C12orf54: variants seen among roughly 807,000 people sequenced by gnomAD.
C12orf54 encodes the protein chromosome 12 open reading frame 54.
Under a neutral mutation model 26.4 loss-of-function variants are expected in C12orf54, and 24 were observed. The observed-to-expected ratio is 0.91, with a 90% CI of 0.66 to 1.28. The LOEUF is 1.28. C12orf54 is among the 50% of genes most tolerant of loss of function. C12orf54 has a pLI of 0.00. For missense variants in C12orf54, 154 were observed against 150.9 expected (o/e 1.02, Z -0.11); for synonymous variants, 54 against 47.0 (o/e 1.15, Z -0.61).
the C12orf54 span, chr12:48,473,524 C>A: frequency 2.7e-6 from 1 of 366,992 alleles, no homozygotes; most frequent in Admixed American, 3.7e-5. Context: ...CTGATTGTAA[C>A]GTTGCTGTGG....
the C12orf54 span, among the ~76,000 whole-genome samples, chr12:48,470,522 C>A: frequency 2.0e-5 from 3 of 152,044 alleles, no homozygotes; most frequent in Admixed American, 6.6e-5. Context: ...CATGGGGTAG[C>A]TTTTTGCTTG....
chr12:48,428,491 C>T, the C12orf54 span, among the ~76,000 whole-genome samples: 2 of 152,020 alleles, frequency 1.3e-5, no homozygotes, highest in Non-Finnish European at 2.9e-5. Context: ...GAAGATATTA[C>T]AACTGACACC....
chr12:48,450,504 CAG>C, the C12orf54 span, among the ~76,000 whole-genome samples: 6 of 152,058 alleles, frequency 3.9e-5, no homozygotes, highest in African/African-American at 1.4e-4. Flanking sequence ...CTGAAGGAGA[CAG>C]AGACATGAGA....
At chr12:48,463,289 T>G in the C12orf54 span, among the ~76,000 whole-genome samples, 3 of 152,014 alleles carry the variant, frequency 2.0e-5, no homozygotes, top group Non-Finnish European at 4.4e-5. Context: ...GAGATTATTA[T>G]GAACACCTTT....
intron 6 of C12orf54, among the ~76,000 whole-genome samples, chr12:48,491,549 C>T (rs945821224): frequency 1.3e-5 from 2 of 152,052 alleles, no homozygotes; most frequent in South Asian, 2.1e-4. Context: ...TCTCATGCCT[C>T]GGCTAGATAT....
At chr12:48,424,088 G>T in the C12orf54 span, among the ~76,000 whole-genome samples, 6 of 151,956 alleles carry the variant, frequency 3.9e-5, no homozygotes, top group Admixed American at 6.6e-5. Flanking sequence ...GACTTTTTCT[G>T]CATCTGTTTA....
At chr12:48,478,693 G>C (rs983130135), upstream of C12orf54, among the ~76,000 whole-genome samples, 1 of 152,104 alleles carries the variant, frequency 6.6e-6, no homozygotes, top group African/African-American at 2.4e-5. Flanking sequence ...ACTTACAAGG[G>C]ACGTGAAGGA....
At chr12:48,490,939 A>C in intron 6 of C12orf54, 103 bp downstream of exon 6, 1 of 1,400,750 alleles carries the variant, frequency 7.1e-7, no homozygotes, top group Non-Finnish European at 1.0e-6. Context: ...AATGGAGATA[A>C]GAAGTGAGAT....
chr12:48,483,626 A>G, intron 2 of C12orf54: 1 of 358,566 alleles, frequency 2.8e-6, no homozygotes, highest in East Asian at 5.4e-5. Flanking sequence ...AGGGACATTA[A>G]TTTATTCCAG....
At chr12:48,495,868 C>T (rs1937902638) in intron 8 of C12orf54, among the ~76,000 whole-genome samples, 1 of 152,190 alleles carries the variant, frequency 6.6e-6, no homozygotes, top group South Asian at 2.1e-4. Context: ...GTAATACATA[C>T]ACTCACAAAA....
the C12orf54 span, among the ~76,000 whole-genome samples, chr12:48,476,863 G>A: frequency 6.6e-6 from 1 of 151,976 alleles, no homozygotes; most frequent in Non-Finnish European, 1.5e-5. Flanking sequence ...CAAGGATATC[G>A]AGGAATTGAA....
In C12orf54 at chr12:48,490,828, G is replaced by T. The variant is rs146567743; in HGVS notation, c.185G>T (p.Arg62Leu). The change falls in exon 6 of 9, where the codon CGG becomes CTG. Residue 62 changes from arginine (R) to leucine (L), a missense_variant. Transcript: ENST00000548364. ...ATTTTTCAGCTGCAGGAAGATGCTC[G>T]GATTCGAGGTAAAACAGCACCATTC... is the stretch of plus-strand genomic sequence containing the variant. ...DIQKELQEDA[R>L]IRGMSNCSMT... 1 of 1,613,408 alleles carries T rather than the reference G, an allele frequency of 6.2e-7. No individual in the cohort carries two copies. Among genetic ancestry groups the T allele is most frequent in the African/African-American group, 1.3e-5 (1 of 74,888 alleles).
chr12:48,417,635 G>A, the C12orf54 span, among the ~76,000 whole-genome samples: 1 of 152,078 alleles, frequency 6.6e-6, no homozygotes, highest in Non-Finnish European at 1.5e-5. Flanking sequence ...TCTTACAAGG[G>A]TATATTGTGT....
At chr12:48,464,025 G>C in the C12orf54 span, among the ~76,000 whole-genome samples, 1 of 151,858 alleles carries the variant, frequency 6.6e-6, no homozygotes, top group Non-Finnish European at 1.5e-5. Context: ...ACAGGCACAA[G>C]GATACCCTCT....
chr12:48,417,325 T>C, the C12orf54 span: 1 of 152,206 alleles, frequency 6.6e-6, no homozygotes, highest in Non-Finnish European at 1.5e-5. Flanking sequence ...GATAATGCTG[T>C]GGTTCCTCAG....
chr12:48,485,959 G>C (rs1954256199), intron 2 of C12orf54, among the ~76,000 whole-genome samples: 4 of 152,026 alleles, frequency 2.6e-5, no homozygotes, highest in Admixed American at 2.6e-4. Flanking sequence ...AGTTCTCAAA[G>C]GGCTTCCACA....
chr12:48,473,123 G>A, the C12orf54 span: 1 of 1,611,622 alleles, frequency 6.2e-7, no homozygotes, highest in Non-Finnish European at 8.5e-7. Context: ...CGGATGACAA[G>A]GAGGCCCCTA....
the C12orf54 span, among the ~76,000 whole-genome samples, chr12:48,466,699 T>C: frequency 1.3e-5 from 2 of 152,174 alleles, no homozygotes; most frequent in Non-Finnish European, 2.9e-5. Context: ...GGTAAAAATA[T>C]AGAGCAACTT....
At chr12:48,421,107 A>G in the C12orf54 span, among the ~76,000 whole-genome samples, 77 of 152,228 alleles carry the variant, frequency 5.1e-4, no homozygotes, top group Non-Finnish European at 2.5e-4. Context: ...ATATTAGTCC[A>G]TTCTTGCATT....
Sources: gnomAD v4.1 joint callset for allele counts (sites outside exome capture counted in the v4.1 genomes callset) on GRCh38, gnomAD v4.1.1 for gene constraint, MANE v1.5 for transcripts, NCBI Gene and HGNC (gene_info 2026-07-23, HGNC 2026-07-21) for gene names.